The following PXDNL variants were observed in gnomAD, a reference collection of about 807,000 sequenced individuals.
PXDNL encodes the protein peroxidasin like.
Under a neutral mutation model 150.8 loss-of-function variants are expected in PXDNL, and 145 were observed. The observed-to-expected ratio is 0.96, with a 90% CI of 0.84 to 1.10. The LOEUF is 1.10. Ranked by LOEUF, PXDNL falls within the 50% of genes least tolerant of loss-of-function variation. The pLI is 0.00. For missense variants in PXDNL, 2,087 were observed against 1,873.9 expected, an observed-to-expected ratio of 1.11 and a Z score of -2.10; for synonymous variants, 757 against 725.7, an observed-to-expected ratio of 1.04 and a Z score of -0.69.
chr8:51,808,932 A>G (rs988131785), intron 1 of PXDNL, among the ~76,000 whole-genome samples: 8 of 152,218 alleles, frequency 5.3e-5, no homozygotes, highest in Admixed American at 2.0e-4. Context: ...AGAATTCTCA[A>G]TGCTAAGTTC....
intron 4 of PXDNL, among the ~76,000 whole-genome samples, chr8:51,556,275 T>A (rs551227184): frequency 4.4e-4 from 62 of 140,916 alleles, no homozygotes; most frequent in Non-Finnish European, 7.8e-4. Context: ...AAAATAATAA[T>A]AATGATAATA....
intron 1 of PXDNL, among the ~76,000 whole-genome samples, chr8:51,699,671 T>C (rs1188359891): frequency 6.6e-6 from 1 of 152,200 alleles, no homozygotes. Context: ...TCACTAAGCA[T>C]AATCATTTCT....
At chr8:51,448,228 T>A (rs1809722466) in intron 11 of PXDNL, among the ~76,000 whole-genome samples, 1 of 152,238 alleles carries the variant, frequency 6.6e-6, no homozygotes, top group South Asian at 2.1e-4. Context: ...AGATTCCCTG[T>A]AAGTGTCTGG....
At chr8:51,381,969 T>A (rs1402012310) in intron 17 of PXDNL, among the ~76,000 whole-genome samples, 1 of 152,066 alleles carries the variant, frequency 6.6e-6, no homozygotes, top group African/African-American at 2.4e-5. Context: ...ACTTTAAGTT[T>A]TAGGGTACAT....
chr8:51,621,305 AATG>A (rs1814246480), intron 2 of PXDNL, among the ~76,000 whole-genome samples: 1 of 152,236 alleles, frequency 6.6e-6, no homozygotes, highest in African/African-American at 2.4e-5. Context: ...ATATAAATAG[AATG>A]ATAACAACAG....
rs36102488 is a variant in PXDNL at position 51,439,824 on chromosome 8, C to CAA, written c.1525+7178_1525+7179dup. Among the ~76,000 whole-genome samples, 692 of 100,944 alleles carry CAA rather than the reference C, an allele frequency of 6.9e-3. 11 individuals carry two copies. Among genetic ancestry groups the CAA allele is most frequent in the Non-Finnish European group, 9.2e-3 (496 of 54,012 alleles). 66.2% of individuals were successfully genotyped at this position (100,944 alleles called of 152,430 possible). A position where few individuals can be genotyped will look rare whatever the true frequency, so the allele number is the denominator to read the frequency against. ...TAGGTGACAAAGTCAGACTCCATCT[C>CAA]AAAAAAAAAAAAAAAAAAAGAATTA... On this transcript the variant is annotated intron_variant, in intron 12 of 22. Coordinates refer to ENST00000356297, the MANE Select transcript of PXDNL (RefSeq NM_144651.5).
At chr8:51,504,093 C>T (rs974707582) in intron 4 of PXDNL, among the ~76,000 whole-genome samples, 2 of 152,124 alleles carry the variant, frequency 1.3e-5, no homozygotes, top group Admixed American at 6.6e-5. Context: ...CCCAATTCTG[C>T]GTTTTTTATT....
At chr8:51,424,970 G>C (rs1218668841) in intron 13 of PXDNL, among the ~76,000 whole-genome samples, 1 of 152,230 alleles carries the variant, frequency 6.6e-6, no homozygotes, top group Non-Finnish European at 1.5e-5. Context: ...GGGCGGATGA[G>C]AGAGACCAGA....
chr8:51,745,253 T>C (rs1231803444), intron 1 of PXDNL, among the ~76,000 whole-genome samples: 1 of 152,132 alleles, frequency 6.6e-6, no homozygotes, highest in Non-Finnish European at 1.5e-5. Context: ...TAAAGGACCT[T>C]TCATCAGTAA....
intron 17 of PXDNL, among the ~76,000 whole-genome samples, chr8:51,394,399 T>C (rs1431630): frequency 3.6e-4 from 55 of 152,298 alleles, no homozygotes; most frequent in African/African-American, 1.3e-3. Flanking sequence ...CTGTCTCATA[T>C]TGAGGTGAGA....
intron 17 of PXDNL, among the ~76,000 whole-genome samples, chr8:51,378,292 G>T (rs916276459): frequency 2.6e-5 from 4 of 152,014 alleles, no homozygotes; most frequent in Admixed American, 2.6e-4. Context: ...TCAGCACTCT[G>T]TGTCTAGCTC....
At chr8:51,712,739 A>C (rs1816526073) in intron 1 of PXDNL, among the ~76,000 whole-genome samples, 1 of 152,244 alleles carries the variant, frequency 6.6e-6, no homozygotes, top group Admixed American at 6.5e-5. Context: ...TAGATTAAAC[A>C]CAATGCTCAG....
At chr8:51,520,738 C>G in intron 4 of PXDNL, among the ~76,000 whole-genome samples, 1 of 152,102 alleles carries the variant, frequency 6.6e-6, no homozygotes, top group East Asian at 1.9e-4. Context: ...CAATGCAAAT[C>G]CTCACACTGA....
chr8:51,542,313 T>A (rs1394080016), intron 4 of PXDNL, among the ~76,000 whole-genome samples: 1 of 152,164 alleles, frequency 6.6e-6, no homozygotes, highest in Admixed American at 6.5e-5. Flanking sequence ...TATAATTTTG[T>A]CTCAGCATAG....
At chr8:51,501,632 A>C (rs940892208) in intron 4 of PXDNL, among the ~76,000 whole-genome samples, 1 of 151,984 alleles carries the variant, frequency 6.6e-6, no homozygotes, top group African/African-American at 2.4e-5. Flanking sequence ...TCACACTCAC[A>C]CTGTCTCATG....
chr8:51,684,891 C>T (rs185586962), intron 1 of PXDNL, among the ~76,000 whole-genome samples: 1 of 152,108 alleles, frequency 6.6e-6, no homozygotes, highest in South Asian at 2.1e-4. Context: ...CAACAGCCTG[C>T]GTGGCCTGCA....
chr8:51,375,864 T>C (rs1049630774), intron 17 of PXDNL, among the ~76,000 whole-genome samples: 4 of 152,362 alleles, frequency 2.6e-5, no homozygotes, highest in Non-Finnish European at 5.9e-5. Flanking sequence ...ACCCAACTCC[T>C]GTTTTGCATA....
At chr8:51,447,278 G>A in intron 11 of PXDNL, 116 bp from the exon 12 acceptor site, 1 of 1,015,876 alleles carries the variant, frequency 9.8e-7, no homozygotes, top group Non-Finnish European at 1.4e-6. Flanking sequence ...CGGTGCTAGG[G>A]TGTACTGTGT....
At chr8:51,365,977 C>T (rs1806904855) in intron 19 of PXDNL, among the ~76,000 whole-genome samples, 1 of 152,140 alleles carries the variant, frequency 6.6e-6, no homozygotes, top group Non-Finnish European at 1.5e-5. Flanking sequence ...ATTTTCTCCC[C>T]CTGTGAACAG....
Sources: allele counts gnomAD v4.1 joint callset (sites outside exome capture counted in the v4.1 genomes callset), GRCh38; gene constraint gnomAD v4.1.1; transcripts MANE v1.5; gene names NCBI Gene and HGNC (gene_info 2026-07-23, HGNC 2026-07-21).